The following PCDHGB5 variants were observed in gnomAD, a reference collection of about 807,000 sequenced individuals.
PCDHGB5 encodes protocadherin gamma subfamily B, 5, also known as protocadherin gamma-B5.
PCDHGB5 carries 48 observed loss-of-function variants against 62.9 expected under a neutral mutation model. That is an observed-to-expected ratio of 0.76 (90% CI 0.61 to 0.97). PCDHGB5 has a LOEUF of 0.97. PCDHGB5 is among the 50% of genes least tolerant of loss of function. The pLI is 0.00. For missense variants in PCDHGB5, 1,118 were observed against 1,198.6 expected (o/e 0.93, Z 0.99); for synonymous variants, 474 against 511.2 (o/e 0.93, Z 0.98).
intron 1 of PCDHGB5, among the ~76,000 whole-genome samples, chr5:141,407,567 A>T (rs554405122): frequency 7.0e-4 from 107 of 152,170 alleles, no homozygotes; most frequent in African/African-American, 2.5e-3. Context: ...AAGCTGAAAG[A>T]TAAAATTCTT....
intron 1 of PCDHGB5, among the ~76,000 whole-genome samples, chr5:141,461,314 T>A (rs1453512629): frequency 6.6e-6 from 1 of 152,198 alleles, no homozygotes; most frequent in Non-Finnish European, 1.5e-5. Context: ...TTTTTTGACT[T>A]TTTAATAATG....
At chr5:141,498,973 GA>G (rs1161965842) in intron 2 of PCDHGB5, among the ~76,000 whole-genome samples, 8 of 11,660 alleles carry the variant, frequency 6.9e-4, no homozygotes, top group Admixed American at 4.8e-3. Flanking sequence ...GGGAGGGAGG[GA>G]AGGAAGGAAG....
chr5:141,491,143 C>A lies in PCDHGB5; in HGVS notation c.2398-3664C>A. 1.2e-6 allele frequency: 2 copies of A among 1,614,142 alleles called. No homozygotes were observed. Among genetic ancestry groups the A allele is most frequent in the South Asian group, 1.1e-5 (1 of 91,082 alleles). On this transcript the variant is annotated intron_variant, in intron 1 of 3. Transcript: ENST00000617380. This position sits in a 1 kb window ranked among gnomAD's most constrained non-coding sequence, Gnocchi z 6.9. ...TGAGGTGCGCACAGCCCGGGCCTTA[C>A]TGGAGGATGACTCTGACACCCAGCA... is the stretch of plus-strand genomic sequence containing the variant.
At chr5:141,480,021 C>T (rs1415230863) in intron 1 of PCDHGB5, among the ~76,000 whole-genome samples, 2 of 152,208 alleles carry the variant, frequency 1.3e-5, no homozygotes, top group East Asian at 3.8e-4. Flanking sequence ...AATCTCCTTT[C>T]TAAGCCTCTT....
At chr5:141,406,908 A>G (rs1256233458) in intron 1 of PCDHGB5, among the ~76,000 whole-genome samples, 2 of 152,204 alleles carry the variant, frequency 1.3e-5, no homozygotes, top group Non-Finnish European at 2.9e-5. Flanking sequence ...GTTTTTAGCT[A>G]TAAGGAAGAG....
chr5:141,403,762 T>G (rs1217388200), intron 1 of PCDHGB5: 1 of 1,613,854 alleles, frequency 6.2e-7, no homozygotes, highest in Non-Finnish European at 8.5e-7. Flanking sequence ...GCGACCTGGA[T>G]GAGGGAATCA....
intron 1 of PCDHGB5, chr5:141,418,974 G>C (rs754074516): frequency 1.0e-4 from 167 of 1,613,818 alleles, no homozygotes; most frequent in Non-Finnish European, 1.4e-4. Flanking sequence ...TTCAAAACAC[G>C]GGACCAAGAC....
At chr5:141,478,322 C>G (rs1360535508) in intron 1 of PCDHGB5, 28 of 1,613,976 alleles carry the variant, frequency 1.7e-5, no homozygotes, top group Non-Finnish European at 2.3e-5. Context: ...CTCACTGTAC[C>G]GAACACCAGG....
intron 1 of PCDHGB5, among the ~76,000 whole-genome samples, chr5:141,458,821 C>T (rs1220034390): frequency 6.6e-6 from 1 of 152,146 alleles, no homozygotes; most frequent in Non-Finnish European, 1.5e-5. Flanking sequence ...CAACCTCTGC[C>T]TCCCAGGCTC....
At chr5:141,497,129 T>G (rs528066007) in intron 2 of PCDHGB5, among the ~76,000 whole-genome samples, 1 of 151,692 alleles carries the variant, frequency 6.6e-6, no homozygotes, top group Admixed American at 6.6e-5. Flanking sequence ...GAGGTTGCAG[T>G]GAGCTGAGAT....
rs1272959259 is a variant in PCDHGB5, at chr5:141,399,448, G to A, written c.1321G>A (p.Val441Ile). The A allele has an allele frequency of 3.1e-6, 5 of 1,613,872 alleles. No individual in the cohort carries two copies. Among genetic ancestry groups the A allele is most frequent in the Non-Finnish European group, 4.2e-6 (5 of 1,179,888 alleles). Residue 441 changes from valine to isoleucine, a missense_variant, in exon 1 of 4, where the codon GTC becomes ATC. Val to Ile is a conservative substitution (Grantham distance 29). Coordinates refer to ENST00000617380, the MANE Select transcript of PCDHGB5 (RefSeq NM_018925.3). Reference sequence around the variant, plus strand: ...AAGCGTCATCCTACATATCAGAGACGTCAACGATAACGCTCCGGTTTTCCA... The same window carrying A: ...AAGCGTCATCCTACATATCAGAGACATCAACGATAACGCTCCGGTTTTCCA... Reference protein sequence around the residue: ...SISVILHIRDVNDNAPVFHQA... With the variant: ...SISVILHIRDINDNAPVFHQA...
intron 2 of PCDHGB5, among the ~76,000 whole-genome samples, chr5:141,501,838 G>C (rs888418141): frequency 6.6e-6 from 1 of 152,000 alleles, no homozygotes; most frequent in African/African-American, 2.4e-5. Flanking sequence ...CACCTGTTTG[G>C]CCCTCAACCT....
chr5:141,412,847 A>G (rs1206334568), intron 1 of PCDHGB5: 1 of 213,282 alleles, frequency 4.7e-6, no homozygotes, highest in Non-Finnish European at 9.1e-6. Flanking sequence ...AGGAGTGGAG[A>G]AACCAAAGAA....
chr5:141,459,090 A>G (rs769066156), intron 1 of PCDHGB5, among the ~76,000 whole-genome samples: 4 of 152,218 alleles, frequency 2.6e-5, no homozygotes, highest in Non-Finnish European at 4.4e-5. Flanking sequence ...TTAAAATTAT[A>G]CAGTGCAATG....
At chr5:141,504,135 C>G (rs758903340) in intron 2 of PCDHGB5, among the ~76,000 whole-genome samples, 215 of 152,306 alleles carry the variant, frequency 1.4e-3, no homozygotes, top group Middle Eastern at 3.4e-3. Context: ...CCCGCCAACA[C>G]TCCCCTGCAA....
chr5:141,487,595 G>C lies in PCDHGB5; in HGVS notation c.2398-7212G>C. ...TGTTCGCCCAAGCTGCCCACCCTCT[G>C]ATCTTCTCTATGGGCTAGAGGTGAG... On this transcript the variant is annotated intron_variant, in intron 1 of 3. Coordinates refer to ENST00000617380, the MANE Select transcript of PCDHGB5 (RefSeq NM_018925.3). The surrounding 1 kb of genome is among the most constrained non-coding windows in gnomAD (Gnocchi z 5.0). 1 of 1,614,202 alleles carries C rather than the reference G, an allele frequency of 6.2e-7. No homozygotes were observed. The highest frequency in any genetic ancestry group is 8.5e-7 in the Non-Finnish European group (1 of 1,180,038).
Position 141,419,013 on chromosome 5 carries a change from G to C in PCDHGB5, c.2397+18489G>C, listed in dbSNP as rs746229802. The C allele has an allele frequency of 6.9e-5, 111 of 1,613,840 alleles. No individual in the cohort carries two copies. In the East Asian group the frequency reaches 2.4e-3, roughly 35 times the overall value. ...GGGGAAAATGGGGAAGTCAGGTGTA[G>C]CTTAAGTAGAGGTGTTCCATTTAAG... is the stretch of plus-strand genomic sequence containing the variant. On this transcript the variant is annotated intron_variant, in intron 1 of 3. Transcript: ENST00000617380.
chr5:141,415,754 T>TTTTG, intron 1 of PCDHGB5: 1 of 1,385,736 alleles, frequency 7.2e-7, no homozygotes, highest in Non-Finnish European at 9.3e-7. Flanking sequence ...TTTTTTTTTT[T>TTTTG]TTTTTTTTTT....
intron 1 of PCDHGB5, chr5:141,426,585 T>C (rs2096944493): frequency 2.8e-6 from 1 of 358,848 alleles, no homozygotes; most frequent in African/African-American, 2.1e-5. Flanking sequence ...CAAAATCCTC[T>C]GTGTCATACC....
Sources: allele counts gnomAD v4.1 joint callset (sites outside exome capture counted in the v4.1 genomes callset), GRCh38; gene constraint gnomAD v4.1.1; non-coding constraint Gnocchi (gnomAD v3.1); transcripts MANE v1.5; gene names NCBI Gene and HGNC (gene_info 2026-07-23, HGNC 2026-07-21).